UNC13C: variants seen among roughly 807,000 people sequenced by gnomAD.
UNC13C encodes the protein unc-13 homolog C.
A neutral mutation model predicts 245.4 loss-of-function variants in UNC13C; 174 were observed. The ratio of observed to expected loss-of-function variants is 0.71; its 90% CI spans 0.63 to 0.80. UNC13C has a LOEUF of 0.80. UNC13C is among the 30% of genes least tolerant of loss of function. The pLI, the probability that UNC13C is intolerant of heterozygous loss-of-function variation, is 0.00. For missense variants in UNC13C, 2,829 were observed against 2,602.9 expected (o/e 1.09, Z -1.89); for synonymous variants, 992 against 895.1 (o/e 1.11, Z -1.93).
At chr15:54,183,484 A>G (rs2033867352) in intron 4 of UNC13C, among the ~76,000 whole-genome samples, 1 of 151,764 alleles carries the variant, frequency 6.6e-6, no homozygotes, top group Non-Finnish European at 1.5e-5. Context: ...TATGATTTTG[A>G]TTCCTCAATC....
chr15:54,216,718 C>T (rs746193312), intron 4 of UNC13C, among the ~76,000 whole-genome samples: 16 of 151,884 alleles, frequency 1.1e-4, no homozygotes, highest in African/African-American at 3.6e-4. Flanking sequence ...CCAGAGTGAG[C>T]GAGATGAAAG....
chr15:54,421,312 G>A lies in UNC13C; in HGVS notation c.4933+6245G>A, dbSNP rs974438849. Among the ~76,000 whole-genome samples the A allele has an allele frequency of 2.0e-5, 3 of 151,686 alleles. No homozygotes were observed. In the Admixed American group the frequency reaches 2.0e-4, roughly 10 times the overall value. Reference sequence around the variant, plus strand: ...GAGAATCTAATAAAATATGTAGACTGTATTACTAGAAGAATGCTAAATAGC... The same window carrying A: ...GAGAATCTAATAAAATATGTAGACTATATTACTAGAAGAATGCTAAATAGC... On this transcript the variant is annotated intron_variant, in intron 19 of 32. Coordinates refer to ENST00000260323, the MANE Select transcript of UNC13C (RefSeq NM_001080534.3).
At chr15:53,926,780 T>C in the UNC13C span, among the ~76,000 whole-genome samples, 1 of 152,158 alleles carries the variant, frequency 6.6e-6, no homozygotes. Context: ...TGGTGGGAGT[T>C]CACTTCATGT....
intron 19 of UNC13C, among the ~76,000 whole-genome samples, chr15:54,486,589 A>G (rs912782424): frequency 2.6e-5 from 4 of 152,212 alleles, no homozygotes; most frequent in Non-Finnish European, 1.5e-5. Context: ...ACTTTGTACT[A>G]TATTTATTTA....
chr15:54,141,018 G>C (rs1172988748), intron 2 of UNC13C, among the ~76,000 whole-genome samples: 1 of 152,158 alleles, frequency 6.6e-6, no homozygotes, highest in Non-Finnish European at 1.5e-5. Flanking sequence ...TGATGACCTT[G>C]TTAAGATTAC....
At chr15:54,374,646 A>T (rs994269608) in intron 17 of UNC13C, among the ~76,000 whole-genome samples, 4 of 152,182 alleles carry the variant, frequency 2.6e-5, no homozygotes, top group African/African-American at 9.6e-5. Flanking sequence ...GAGGCCTTCT[A>T]GGGCCCCTGA....
Position 54,414,112 on chromosome 15 carries a change from T to C in UNC13C, c.4848-870T>C, listed in dbSNP as rs1254224264. Among the ~76,000 whole-genome samples, 4 of 152,216 alleles carry C rather than the reference T, an allele frequency of 2.6e-5. No homozygotes were observed. In the South Asian group the frequency reaches 8.3e-4, roughly 32 times the overall value. ...GCTTGTTTAGTCTAAAACACAGACC[T>C]GCCTGGAAGTTCTGGAGTACAGATT... On this transcript the variant is annotated intron_variant, in intron 18 of 32. Transcript: ENST00000260323.
intron 2 of UNC13C, among the ~76,000 whole-genome samples, chr15:54,085,090 A>G (rs1182128563): frequency 6.6e-6 from 1 of 152,164 alleles, no homozygotes; most frequent in African/African-American, 2.4e-5. Flanking sequence ...TTCTGCTAAC[A>G]GTATTGGTAG....
chr15:54,201,246 T>C (rs1038893274), intron 4 of UNC13C, among the ~76,000 whole-genome samples: 2 of 151,880 alleles, frequency 1.3e-5, no homozygotes, highest in African/African-American at 4.8e-5. Context: ...CAAAGAAGAA[T>C]TGAAACCAAT....
intron 2 of UNC13C, among the ~76,000 whole-genome samples, chr15:54,026,604 T>C (rs1040353905): frequency 6.6e-6 from 1 of 152,168 alleles, no homozygotes; most frequent in Non-Finnish European, 1.5e-5. Context: ...AACCCATGGA[T>C]CACATTAAGA....
At chr15:54,074,913 T>G (rs1595812705) in intron 2 of UNC13C, among the ~76,000 whole-genome samples, 1 of 46,730 alleles carries the variant, frequency 2.1e-5, no homozygotes. Context: ...CAATACTATG[T>G]TGAATAGAAA....
At chr15:54,200,237 T>C (rs1245364720) in intron 4 of UNC13C, among the ~76,000 whole-genome samples, 2 of 151,790 alleles carry the variant, frequency 1.3e-5, no homozygotes, top group African/African-American at 4.8e-5. Flanking sequence ...TTAGTAGGGG[T>C]CTTTAATACT....
chr15:54,217,848 C>T (rs1383276362), intron 4 of UNC13C, among the ~76,000 whole-genome samples: 1 of 151,848 alleles, frequency 6.6e-6, no homozygotes, highest in Non-Finnish European at 1.5e-5. Flanking sequence ...CTGACTTCTG[C>T]CAGGTCCGTA....
chr15:54,188,991 A>G (rs1384128310), intron 4 of UNC13C, among the ~76,000 whole-genome samples: 3 of 152,168 alleles, frequency 2.0e-5, no homozygotes, highest in Non-Finnish European at 2.9e-5. Flanking sequence ...CCACATTAAA[A>G]ATAAGGACTG....
chr15:54,397,151 A>G (rs551485040), intron 18 of UNC13C, among the ~76,000 whole-genome samples: 1 of 151,696 alleles, frequency 6.6e-6, no homozygotes, highest in East Asian at 1.9e-4. Flanking sequence ...TCTTCTAGAC[A>G]TCTTACATTT....
intron 19 of UNC13C, among the ~76,000 whole-genome samples, chr15:54,447,875 AT>A (rs1890917752): frequency 6.6e-6 from 1 of 152,098 alleles, no homozygotes; most frequent in African/African-American, 2.4e-5. Context: ...TAGGGTGTCA[AT>A]TTTAGATCTT....
the UNC13C span, among the ~76,000 whole-genome samples, chr15:53,962,195 T>C: frequency 6.6e-6 from 1 of 152,154 alleles, no homozygotes; most frequent in Non-Finnish European, 1.5e-5. Flanking sequence ...CTACTGCCTA[T>C]TTAATATCTG....
chr15:54,601,806 C>T (rs1034097949), intron 30 of UNC13C, among the ~76,000 whole-genome samples: 3 of 152,200 alleles, frequency 2.0e-5, no homozygotes, highest in South Asian at 2.1e-4. Flanking sequence ...AGGGTGACTG[C>T]CATTCACTTA....
At chr15:54,494,019 A>T (rs1320346585) in intron 19 of UNC13C, among the ~76,000 whole-genome samples, 1 of 152,084 alleles carries the variant, frequency 6.6e-6, no homozygotes, top group Non-Finnish European at 1.5e-5. Flanking sequence ...TAAGTTAGAG[A>T]TATTTTCTCT....
Sources: allele counts gnomAD v4.1 joint callset (sites outside exome capture counted in the v4.1 genomes callset), GRCh38; gene constraint gnomAD v4.1.1; transcripts MANE v1.5; gene names NCBI Gene and HGNC (gene_info 2026-07-23, HGNC 2026-07-21).